IRAG1: variants seen among roughly 807,000 people sequenced by gnomAD.
IRAG1 encodes IP3R-associated cGMP kinase substrate.
IRAG1 carries 62 observed loss-of-function variants against 106.2 expected under a neutral mutation model. The observed-to-expected ratio is 0.58, with a 90% CI of 0.48 to 0.72. The LOEUF (loss-of-function observed/expected upper bound fraction) is 0.72. Ranked by LOEUF, IRAG1 falls within the 30% of genes least tolerant of loss-of-function variation. The pLI is 0.00. For missense variants in IRAG1, 1,064 were observed against 1,140.7 expected, an observed-to-expected ratio of 0.93 and a Z score of 0.97; for synonymous variants, 462 against 443.9, an observed-to-expected ratio of 1.04 and a Z score of -0.51.
chr11:10,657,155 A>G lies in IRAG1; in HGVS notation c.68-4973T>C, dbSNP rs1450597705. ...CACGGTTCAGGAACAGAATTTACAG[A>G]GACTATCTCTTTCAGTGCTGTCAGC... On this transcript the variant is annotated intron_variant, in intron 1 of 20. Coordinates refer to ENST00000423302, the MANE Select transcript of IRAG1 (RefSeq NM_130385.4). The surrounding 1 kb of genome is among the most constrained non-coding windows in gnomAD (Gnocchi z 4.1). 1.3e-5 allele frequency among the ~76,000 whole-genome samples: 2 copies of G among 152,152 alleles called. No individual in the cohort carries two copies. Among genetic ancestry groups the G allele is most frequent in the Admixed American group, 6.5e-5 (1 of 15,280 alleles).
intron 2 of IRAG1, among the ~76,000 whole-genome samples, chr11:10,644,602 T>C (rs935626364): frequency 6.6e-6 from 1 of 152,074 alleles, no homozygotes; most frequent in African/African-American, 2.4e-5. Context: ...TGTCGTGAGG[T>C]TGCTATGTGT....
intron 10 of IRAG1, among the ~76,000 whole-genome samples, chr11:10,621,446 C>G (rs1305215515): frequency 6.6e-6 from 1 of 152,162 alleles, no homozygotes; most frequent in Non-Finnish European, 1.5e-5. Context: ...GCCTGGGTCC[C>G]TGGAGGTACC....
intron 2 of IRAG1, among the ~76,000 whole-genome samples, chr11:10,634,753 T>TTTTGTGTGTG (rs1554927053): frequency 2.1e-4 from 31 of 145,050 alleles, no homozygotes; most frequent in African/African-American, 6.5e-4. Context: ...AATAATATTC[T>TTTTGTGTGTG]TGTGTGTGTG....
chr11:10,643,766 C>T lies in IRAG1; in HGVS notation c.225+8259G>A, dbSNP rs77577235. Among the ~76,000 whole-genome samples the T allele has an allele frequency of 4.0e-3, 616 of 152,238 alleles. 2 individuals are homozygous for T. The highest frequency in any genetic ancestry group is 0.014 in the African/African-American group (584 of 41,546). On this transcript the variant is annotated intron_variant, in intron 2 of 20. Coordinates refer to ENST00000423302, the MANE Select transcript of IRAG1 (RefSeq NM_130385.4). ...CCTCCCTCCCTCCCTAAGCTCCGAC[C>T]GCATGCTGGAGCCTATGCTTATGGG... is the stretch of plus-strand genomic sequence containing the variant.
chr11:10,640,304 C>T (rs1314453798), intron 2 of IRAG1, among the ~76,000 whole-genome samples: 1 of 152,202 alleles, frequency 6.6e-6, no homozygotes, highest in East Asian at 1.9e-4. Flanking sequence ...CAGGTAACCG[C>T]AGACACTCAC....
chr11:10,682,602 A>C (rs886673340), intron 1 of IRAG1, among the ~76,000 whole-genome samples: 2 of 152,194 alleles, frequency 1.3e-5, no homozygotes, highest in African/African-American at 4.8e-5. Context: ...CCAATGTATT[A>C]ACAAGGTTTA....
intron 10 of IRAG1, among the ~76,000 whole-genome samples, chr11:10,612,552 A>G (rs186331909): frequency 1.9e-4 from 29 of 152,298 alleles, no homozygotes; most frequent in Non-Finnish European, 3.8e-4. Context: ...ACAATACAAT[A>G]TATCTAGGGA....
At chr11:10,581,394 G>A (rs1851376416) in intron 19 of IRAG1, among the ~76,000 whole-genome samples, 1 of 152,254 alleles carries the variant, frequency 6.6e-6, no homozygotes. Flanking sequence ...AACTGGCCAT[G>A]GGTGCTATTG....
chr11:10,680,404 G>GAAAGAAAGGAAA lies in IRAG1; in HGVS notation c.67+13131_67+13132insTTTCCTTTCTTT, dbSNP rs1554935662. ...AGGAAGGAAGGAAGGAAGGAAGGAA[G>GAAAGAAAGGAAA]GAAAGAAAGGGAAAGAAAGAAAGAG... On this transcript the variant is annotated intron_variant, in intron 1 of 20. Transcript: ENST00000423302. Among the ~76,000 whole-genome samples, 298 of 82,128 alleles carry GAAAGAAAGGAAA rather than the reference G, an allele frequency of 3.6e-3. 10 individuals are homozygous for GAAAGAAAGGAAA. The highest frequency in any genetic ancestry group is 0.016 in the African/African-American group (266 of 17,046). The allele number at this position is 82,128 out of a possible 152,430, so 53.9% of individuals were successfully genotyped here. A position where few individuals can be genotyped will look rare whatever the true frequency, so the allele number is the denominator to read the frequency against.
rs1859696021 is a variant in IRAG1, at chr11:10,665,189, T to G, written c.68-13007A>C. ...GCTGGGAACTCAGATCTAGAGTTGA[T>G]GAGCTTACCCTAAGTTATTCCCTAA... On this transcript the variant is annotated intron_variant, in intron 1 of 20. Transcript: ENST00000423302. This position sits in a 1 kb window ranked among gnomAD's most constrained non-coding sequence, Gnocchi z 4.2. Among the ~76,000 whole-genome samples the G allele has an allele frequency of 6.6e-6, 1 of 152,168 alleles. No homozygotes were observed. Among genetic ancestry groups the G allele is most frequent in the Admixed American group, 6.5e-5 (1 of 15,278 alleles).
chr11:10,604,863 C>A (rs1382770092), intron 12 of IRAG1, among the ~76,000 whole-genome samples: 2 of 152,188 alleles, frequency 1.3e-5, no homozygotes, highest in Non-Finnish European at 2.9e-5. Flanking sequence ...TTTAGATAAA[C>A]TCAGGCCAGT....
At chr11:10,630,669 T>C (rs1052455134) in intron 4 of IRAG1, among the ~76,000 whole-genome samples, 1 of 152,214 alleles carries the variant, frequency 6.6e-6, no homozygotes, top group Non-Finnish European at 1.5e-5. Context: ...CTCCTCAGTG[T>C]GGTATCCAAA....
chr11:10,581,791 G>A, intron 19 of IRAG1, 76 bp downstream of exon 19: 1 of 1,552,386 alleles, frequency 6.4e-7, no homozygotes, highest in South Asian at 1.2e-5. Context: ...AAGCCTCTAA[G>A]AAACAAGAAA....
chr11:10,690,457 C>T, intron 1 of IRAG1: 1 of 1,265,000 alleles, frequency 7.9e-7, no homozygotes, highest in Non-Finnish European at 1.0e-6. Flanking sequence ...GAAGGCAGGG[C>T]TTGTCCAGGG....
At chr11:10,614,182 A>T (rs1323477080) in intron 10 of IRAG1, among the ~76,000 whole-genome samples, 1 of 151,646 alleles carries the variant, frequency 6.6e-6, no homozygotes, top group Non-Finnish European at 1.5e-5. Context: ...CTTCTGACCC[A>T]CCCTAGCCCT....
intron 10 of IRAG1, among the ~76,000 whole-genome samples, chr11:10,620,513 C>T (rs1415490245): frequency 6.6e-6 from 1 of 152,140 alleles, no homozygotes; most frequent in African/African-American, 2.4e-5. Flanking sequence ...GAAGTTAAGT[C>T]ACCCAGTAAG....
At chr11:10,649,335 G>C (rs181065548) in intron 2 of IRAG1, among the ~76,000 whole-genome samples, 1 of 152,224 alleles carries the variant, frequency 6.6e-6, no homozygotes, top group Non-Finnish European at 1.5e-5. Flanking sequence ...GGTTGGGGGG[G>C]TCTGAACTGC....
chr11:10,688,598 C>T (rs952611685), intron 1 of IRAG1, among the ~76,000 whole-genome samples: 3 of 152,058 alleles, frequency 2.0e-5, no homozygotes, highest in Admixed American at 6.6e-5. Flanking sequence ...TCCCTCTCAG[C>T]CTCTCTCATT....
chr11:10,643,423 C>A (rs1417317902), intron 2 of IRAG1, among the ~76,000 whole-genome samples: 2 of 152,130 alleles, frequency 1.3e-5, no homozygotes, highest in Admixed American at 1.3e-4. Context: ...CTCTTTCCTG[C>A]CATTGTCCAT....
Sources: gnomAD v4.1 joint callset for allele counts (sites outside exome capture counted in the v4.1 genomes callset) on GRCh38, gnomAD v4.1.1 for gene constraint, Gnocchi (gnomAD v3.1) non-coding constraint, MANE v1.5 for transcripts, NCBI Gene and HGNC (gene_info 2026-07-23, HGNC 2026-07-21) for gene names.